Variants in TBX15 observed in about 807,000 individuals in gnomAD.
TBX15 encodes T-box transcription factor 15.
Under a neutral mutation model 53.9 loss-of-function variants are expected in TBX15, and 18 were observed. That is an observed-to-expected ratio of 0.33 (90% CI 0.23 to 0.49). The LOEUF is 0.49. TBX15 is among the 20% of genes least tolerant of loss of function. TBX15 has a pLI of 0.98. For synonymous variants in TBX15, 295 were observed against 278.0 expected (o/e 1.06, Z -0.61); for missense variants, 692 against 749.5 (o/e 0.92, Z 0.90).
intron 1 of TBX15, among the ~76,000 whole-genome samples, chr1:118,938,499 GT>G (rs1656038478): frequency 6.6e-6 from 1 of 152,150 alleles, no homozygotes; most frequent in Non-Finnish European, 1.5e-5. Context: ...TTTTATATCT[GT>G]TTCTTGCTGA....
chr1:118,904,710 C>T lies in TBX15; in HGVS notation c.927-5585G>A, dbSNP rs542721132. Among the ~76,000 whole-genome samples the T allele has an allele frequency of 3.3e-5, 5 of 152,244 alleles. No homozygotes were observed. In the South Asian group the frequency reaches 6.2e-4, roughly 19 times the overall value. On this transcript the variant is annotated intron_variant, in intron 6 of 7. Transcript: ENST00000369429. ...ATTGACTCAATAAGTGTAGTAATAA[C>T]CCATGATCATACAAAGTTGGCTAAC...
At chr1:118,901,322 T>C in intron 6 of TBX15, 1 of 456,234 alleles carries the variant, frequency 2.2e-6, no homozygotes, top group South Asian at 1.6e-5. Flanking sequence ...ACCAAACTTA[T>C]TCTTTCATCA....
chr1:118,968,876 C>A (rs1314280259), intron 1 of TBX15, among the ~76,000 whole-genome samples: 1 of 152,116 alleles, frequency 6.6e-6, no homozygotes, highest in African/African-American at 2.4e-5. Context: ...GATAAAGACA[C>A]CAGGCCTCTA....
intron 1 of TBX15, among the ~76,000 whole-genome samples, chr1:118,965,346 A>G (rs1410541498): frequency 6.6e-6 from 1 of 152,228 alleles, no homozygotes; most frequent in Non-Finnish European, 1.5e-5. Context: ...GGAGAACAGA[A>G]GAGAATTTAT....
intron 1 of TBX15, among the ~76,000 whole-genome samples, chr1:118,937,908 T>C (rs1335499842): frequency 6.6e-6 from 1 of 152,158 alleles, no homozygotes; most frequent in Non-Finnish European, 1.5e-5. Flanking sequence ...GAAGGGCAAA[T>C]ACCAGAATCT....
Position 118,914,174 on chromosome 1 carries a change from G to T in TBX15, c.867C>A (p.Thr289=), listed in dbSNP as rs1367837405. The change falls in exon 6 of 8, where the codon ACC becomes ACA. Residue 289 remains threonine, a synonymous_variant. Transcript: ENST00000369429. ...AAGGGTTTCGGTCAATTTTTAATCT[G>T]GTAATCTGGAAACAAACAAATAAGT... ...TVTAYQNQQI[T]RLKIDRNPFA... is the part of the protein sequence containing the mutation. 3 of 1,613,362 alleles carry T rather than the reference G, an allele frequency of 1.9e-6. No individual in the cohort carries two copies. The highest frequency in any genetic ancestry group is 2.5e-6 in the Non-Finnish European group (3 of 1,179,592).
At chr1:118,981,339 C>CAA (rs1185259892) in intron 1 of TBX15, among the ~76,000 whole-genome samples, 3 of 149,648 alleles carry the variant, frequency 2.0e-5, no homozygotes, top group Non-Finnish European at 4.5e-5. Context: ...CACACACACA[C>CAA]AATGGCAGTT....
chr1:118,897,903 G>A (rs745614055), intron 7 of TBX15, among the ~76,000 whole-genome samples: 18 of 152,042 alleles, frequency 1.2e-4, no homozygotes, highest in African/African-American at 3.6e-4. Flanking sequence ...ATAATTAATC[G>A]TCAGAAAGGC....
chr1:118,893,384 A>AGGAAGAAG (rs1654246762), intron 7 of TBX15, among the ~76,000 whole-genome samples: 1 of 138,468 alleles, frequency 7.2e-6, no homozygotes, highest in African/African-American at 3.1e-5. Flanking sequence ...AAAGAAAGAA[A>AGGAAGAAG]GAAAGAAAGA....
rs1653899535 is a variant in TBX15 at position 118,885,303 on chromosome 1, T to C, written c.1238A>G (p.Tyr413Cys). ...GTAGCCACTGTCACTCAGCCCTGGG[T>C]AGCTCTGCAAGGCAGCCATGTTGCT... is the stretch of plus-strand genomic sequence containing the variant. Reference protein sequence around the residue: ...ARSNMAALQSYPGLSDSGYNR... With the variant: ...ARSNMAALQSCPGLSDSGYNR... Residue 413 changes from tyrosine to cysteine, a missense_variant, in exon 8 of 8, where the codon TAC (tyrosine) becomes TGC (cysteine). Physicochemically the swap from Tyr to Cys is radical, Grantham distance 194 (BLOSUM62 -2). This residue lies in a region of TBX15 where 375 missense variants were observed against 371.6 expected (regional missense o/e 1.01). Coordinates refer to ENST00000369429, the MANE Select transcript of TBX15 (RefSeq NM_001330677.2). The C allele has an allele frequency of 2.2e-5, 35 of 1,614,106 alleles. No individual in the cohort carries two copies. The highest frequency in any genetic ancestry group is 2.9e-5 in the Non-Finnish European group (34 of 1,180,026).
At chr1:118,911,513 A>T (rs1282026527) in intron 6 of TBX15, among the ~76,000 whole-genome samples, 2 of 152,172 alleles carry the variant, frequency 1.3e-5, no homozygotes, top group Admixed American at 1.3e-4. Context: ...CAGTAGAGGA[A>T]CGAGGGCCTC....
intron 1 of TBX15, among the ~76,000 whole-genome samples, chr1:118,934,516 G>T (rs1655900322): frequency 6.6e-6 from 1 of 152,184 alleles, no homozygotes; most frequent in African/African-American, 2.4e-5. Flanking sequence ...AAATTTCCCA[G>T]TTAGTGTTGA....
chr1:118,977,242 AGAGT>A (rs1278460632), intron 1 of TBX15, among the ~76,000 whole-genome samples: 1 of 152,228 alleles, frequency 6.6e-6, no homozygotes, highest in African/African-American at 2.4e-5. Context: ...ATAATAAGAT[AGAGT>A]ATTTTGTGAG....
chr1:118,946,232 G>T (rs921103898), intron 1 of TBX15, among the ~76,000 whole-genome samples: 1 of 152,060 alleles, frequency 6.6e-6, no homozygotes. Flanking sequence ...TACAGTCATA[G>T]TTTGAGATGA....
At chr1:118,935,396 T>G (rs769570895) in intron 1 of TBX15, among the ~76,000 whole-genome samples, 4 of 152,166 alleles carry the variant, frequency 2.6e-5, no homozygotes, top group Non-Finnish European at 5.9e-5. Context: ...TCTTGGCAAT[T>G]TGTGACTTCC....
Position 118,931,488 on chromosome 1 carries a change from A to G in TBX15, c.419+131T>C. 4 of 937,884 alleles carry G rather than the reference A, an allele frequency of 4.3e-6. No individual in the cohort carries two copies. In the South Asian group the frequency reaches 5.7e-5, roughly 13 times the overall value. The allele number at this position is 937,884 out of a possible 1,614,324, so 58.1% of individuals were successfully genotyped here. ...AGAACAACTTTACCAAGATGTCCAA[A>G]TGCAGAGAAGTGAGTGCAAGCTGCT... On this transcript the variant is annotated intron_variant, in intron 2 of 7. Coordinates refer to ENST00000369429, the MANE Select transcript of TBX15 (RefSeq NM_001330677.2).
intron 6 of TBX15, among the ~76,000 whole-genome samples, chr1:118,902,897 T>C (rs1385196461): frequency 6.6e-6 from 1 of 152,200 alleles, no homozygotes. Flanking sequence ...TGTAAAATTT[T>C]ATCTCCAAGT....
At chr1:118,987,470 A>G (rs1326317511) in intron 1 of TBX15, 121 bp downstream of exon 1, 27 of 1,235,144 alleles carry the variant, frequency 2.2e-5, no homozygotes, top group Non-Finnish European at 2.9e-5. Context: ...AGAAACAGAA[A>G]CCTATGTTGG....
chr1:118,893,594 G>GAAAGAAAGAAA (rs1654284937), intron 7 of TBX15, among the ~76,000 whole-genome samples: 1 of 121,620 alleles, frequency 8.2e-6, no homozygotes, highest in African/African-American at 4.7e-5. Flanking sequence ...AAGGAAGGAA[G>GAAAGAAAGAAA]GAAGGAAAGA....
Sources: gnomAD v4.1 joint callset for allele counts (sites outside exome capture counted in the v4.1 genomes callset) on GRCh38, gnomAD v4.1.1 for gene constraint, gnomAD v4.1.1 regional missense constraint, MANE v1.5 for transcripts, NCBI Gene and HGNC (gene_info 2026-07-23, HGNC 2026-07-21) for gene names.